Variants in GLIS2 observed in about 807,000 individuals in gnomAD.
GLIS2 encodes the protein zinc finger protein GLIS2.
In GLIS2, 14 loss-of-function variants were observed where a neutral mutation model predicts 35.6. That is an observed-to-expected ratio of 0.39 (90% CI 0.26 to 0.61). GLIS2 has a LOEUF of 0.61. Ranked by LOEUF, GLIS2 falls within the 20% of genes least tolerant of loss-of-function variation. The pLI, the probability that GLIS2 is intolerant of heterozygous loss-of-function variation, is 0.48. For synonymous variants in GLIS2, 368 were observed against 325.1 expected, an observed-to-expected ratio of 1.13 and a Z score of -1.42; for missense variants, 675 against 713.4, an observed-to-expected ratio of 0.95 and a Z score of 0.61.
At chr16:4,327,585 C>A (rs956998963) in intron 1 of GLIS2, among the ~76,000 whole-genome samples, 2 of 152,178 alleles carry the variant, frequency 1.3e-5, no homozygotes, top group Non-Finnish European at 2.9e-5. Flanking sequence ...GGTGGCTCCG[C>A]CAGCGCTGCA....
intron 1 of GLIS2, among the ~76,000 whole-genome samples, chr16:4,316,947 A>G (rs1015090434): frequency 2.0e-5 from 3 of 152,160 alleles, no homozygotes; most frequent in Admixed American, 6.5e-5. Flanking sequence ...AGGCAGGTGC[A>G]TCCCGAGGGA....
In GLIS2 at chr16:4,337,381, G is replaced by A. The variant is rs747954752; in HGVS notation, c.1432G>A (p.Asp478Asn). ...GAGCAGCTGCTCCCGGCCAAGCCCC[G>A]ATGGACTCCCCCTGCTGCCAGGCAC... Reference protein sequence around the residue: ...TESSCSRPSPDGLPLLPGTVL... With the variant: ...TESSCSRPSPNGLPLLPGTVL... Residue 478 changes from aspartate (D) to asparagine (N), a missense_variant, in exon 7 of 7, where the codon GAT becomes AAT. This residue lies in a region of GLIS2 where 317 missense variants were observed against 283.2 expected (regional missense o/e 1.12). Transcript: ENST00000433375. 1.8e-5 allele frequency: 28 copies of A among 1,593,602 alleles called. No homozygotes were observed. The highest frequency in any genetic ancestry group is 5.4e-5 in the African/African-American group (4 of 74,582).
chr16:4,322,904 A>G (rs904255925), intron 1 of GLIS2, among the ~76,000 whole-genome samples: 3 of 152,188 alleles, frequency 2.0e-5, no homozygotes, highest in Non-Finnish European at 4.4e-5. Context: ...ATCTGCCTGC[A>G]GCCAGGCGTG....
At position 4,320,876 on chromosome 16, in the gene GLIS2, C is replaced by A. The variant is rs964833555; in HGVS notation, c.-67+4622C>A. Among the ~76,000 whole-genome samples, 3 of 152,118 alleles carry A rather than the reference C, an allele frequency of 2.0e-5. No individual in the cohort carries two copies. Among genetic ancestry groups the A allele is most frequent in the African/African-American group, 7.2e-5 (3 of 41,422 alleles). ...CTGCCAGCCCCGGCCTCCCCCAGCA[C>A]CCCCCGGAGCACCTAGTGGTCACCC... On this transcript the variant is annotated intron_variant, in intron 1 of 6. Transcript: ENST00000433375. This position sits in a 1 kb window ranked among gnomAD's most constrained non-coding sequence, Gnocchi z 5.6.
At chr16:4,318,575 AG>A (rs1205257688) in intron 1 of GLIS2, among the ~76,000 whole-genome samples, 1 of 152,198 alleles carries the variant, frequency 6.6e-6, no homozygotes, top group Admixed American at 6.5e-5. Flanking sequence ...CTCCCCTTGC[AG>A]GGAGGACAAG....
chr16:4,327,603 G>T (rs1393652497), intron 1 of GLIS2, among the ~76,000 whole-genome samples: 1 of 152,112 alleles, frequency 6.6e-6, no homozygotes, highest in Non-Finnish European at 1.5e-5. Flanking sequence ...GCAGCTGGGG[G>T]CCGTCTGCTC....
At position 4,338,648 on chromosome 16, in the gene GLIS2, T is replaced by G. The variant is rs2053587666; in HGVS notation, c.*1124T>G. On this transcript the variant is annotated 3_prime_UTR_variant, in exon 7 of 7. Transcript: ENST00000433375. ...TGGCTGGAGGAGGGTGCTGGACCCA[T>G]GACACGTTGCTTCCTCTGGCTTTTC... The G allele has an allele frequency of 6.5e-6, 1 of 153,078 alleles. No homozygotes were observed. The highest frequency in any genetic ancestry group is 2.1e-4 in the South Asian group (1 of 4,864). 9.5% of individuals were successfully genotyped at this position (153,078 alleles called of 1,614,324 possible).
Position 4,339,451 on chromosome 16 carries a change from C to T in GLIS2, c.*1927C>T, listed in dbSNP as rs2053601364. ...ATTTTAACAGGTTCTAAGTGCCTTT[C>T]TATCGTAGCTTATGTTTTCCTCCTC... On this transcript the variant is annotated 3_prime_UTR_variant, in exon 7 of 7. Transcript: ENST00000433375. 6.5e-6 allele frequency: 1 copy of T among 152,986 alleles called. No individual in the cohort carries two copies. Among genetic ancestry groups the T allele is most frequent in the Admixed American group, 6.5e-5 (1 of 15,462 alleles). The allele number at this position is 152,986 out of a possible 1,614,324, so 9.5% of individuals were successfully genotyped here.
Position 4,332,190 on chromosome 16 carries a change from C to T in GLIS2, c.-66-25C>T, listed in dbSNP as rs917089260. 8 of 1,487,456 alleles carry T rather than the reference C, an allele frequency of 5.4e-6. No homozygotes were observed. In the African/African-American group the frequency reaches 9.7e-5, roughly 18 times the overall value. The allele number at this position is 1,487,456 out of a possible 1,614,324, so 92.1% of individuals were successfully genotyped here. A position where few individuals can be genotyped will look rare whatever the true frequency, so the allele number is the denominator to read the frequency against. ...GGAGAAGCCTGGGGTCTCAGTGCCA[C>T]AGCACAGCTCCTGTCCTTCCCCAGG... On this transcript the variant is annotated intron_variant, in intron 1 of 6. Coordinates refer to ENST00000433375, the MANE Select transcript of GLIS2 (RefSeq NM_032575.3). The surrounding 1 kb of genome is among the most constrained non-coding windows in gnomAD (Gnocchi z 5.4).
At chr16:4,318,668 C>A (rs1465885426) in intron 1 of GLIS2, among the ~76,000 whole-genome samples, 2 of 152,222 alleles carry the variant, frequency 1.3e-5, no homozygotes, top group Non-Finnish European at 2.9e-5. Flanking sequence ...GAGGCCTGGA[C>A]CCCATTTCCA....
intron 1 of GLIS2, among the ~76,000 whole-genome samples, chr16:4,317,700 C>A (rs933857882): frequency 2.0e-5 from 3 of 152,060 alleles, no homozygotes; most frequent in Non-Finnish European, 4.4e-5. Flanking sequence ...CCCAGGACAC[C>A]CTTTGCCAAG....
chr16:4,330,969 G>A (rs1158150633), intron 1 of GLIS2, among the ~76,000 whole-genome samples: 1 of 150,524 alleles, frequency 6.6e-6, no homozygotes, highest in East Asian at 1.9e-4. Context: ...AAAAGCGTTT[G>A]GCTTTTTGTT....
Position 4,338,440 on chromosome 16 carries a change from G to A in GLIS2, c.*916G>A, listed in dbSNP as rs72766567. ...GGCCTGGGCAGCGCCCCCTGCAGAGGCCTTTGGGTCCTTGGTCCTGTAACA... is the reference window on the plus strand; with the variant it reads ...GGCCTGGGCAGCGCCCCCTGCAGAGACCTTTGGGTCCTTGGTCCTGTAACA... On this transcript the variant is annotated 3_prime_UTR_variant, in exon 7 of 7. Coordinates refer to ENST00000433375, the MANE Select transcript of GLIS2 (RefSeq NM_032575.3). The A allele has an allele frequency of 9.1e-3, 1,392 of 152,780 alleles. 10 individuals are homozygous for A. Among genetic ancestry groups the A allele is most frequent in the Middle Eastern group, 0.048 (14 of 294 alleles). The allele number at this position is 152,780 out of a possible 1,614,324, so 9.5% of individuals were successfully genotyped here.
chr16:4,324,413 T>C (rs1469896259), intron 1 of GLIS2, among the ~76,000 whole-genome samples: 2 of 152,206 alleles, frequency 1.3e-5, no homozygotes, highest in African/African-American at 2.4e-5. Flanking sequence ...TTTGATGCAG[T>C]TGGGCTCTGG....
intron 1 of GLIS2, among the ~76,000 whole-genome samples, chr16:4,325,929 T>TAAAAAA (rs58290393): frequency 5.0e-5 from 2 of 40,122 alleles, no homozygotes; most frequent in African/African-American, 2.3e-4. Flanking sequence ...CTCTGTGTCT[T>TAAAAAA]AAAAAAAAAA....
chr16:4,336,312 A>C, intron 6 of GLIS2: 2 of 332,026 alleles, frequency 6.0e-6, no homozygotes, highest in Non-Finnish European at 1.2e-5. Flanking sequence ...ACACCCAGCT[A>C]GTTTTCGTAG....
intron 1 of GLIS2, chr16:4,329,089 ACTTC>A (rs1310977966): frequency 6.6e-6 from 1 of 152,210 alleles, no homozygotes; most frequent in African/African-American, 2.4e-5. Flanking sequence ...ATAAATATTT[ACTTC>A]CTTCCTCCCC....
At chr16:4,333,625 C>A in intron 3 of GLIS2, 106 bp downstream of exon 3, 1 of 1,255,554 alleles carries the variant, frequency 8.0e-7, no homozygotes, top group Non-Finnish European at 1.1e-6. Context: ...TGTGTTACCC[C>A]TCATAATTCT....
intron 1 of GLIS2, among the ~76,000 whole-genome samples, chr16:4,321,094 G>A (rs760353357): frequency 3.9e-5 from 6 of 152,238 alleles, no homozygotes; most frequent in Non-Finnish European, 7.3e-5. Flanking sequence ...GGCATGGGCT[G>A]GAGTCCTGTG....
Sources: gnomAD v4.1 joint callset for allele counts (sites outside exome capture counted in the v4.1 genomes callset) on GRCh38, gnomAD v4.1.1 for gene constraint, gnomAD v4.1.1 regional missense constraint, Gnocchi (gnomAD v3.1) non-coding constraint, MANE v1.5 for transcripts, NCBI Gene and HGNC (gene_info 2026-07-23, HGNC 2026-07-21) for gene names.